Variants in CCSER1 observed in about 807,000 individuals in gnomAD.
CCSER1 encodes the protein serine-rich coiled-coil domain-containing protein 1.
Under a neutral mutation model 82.0 loss-of-function variants are expected in CCSER1, and 41 were observed. That is an observed-to-expected ratio of 0.50 (90% CI 0.39 to 0.65). The LOEUF (loss-of-function observed/expected upper bound fraction) is 0.65. Ranked by LOEUF, CCSER1 falls within the 30% of genes least tolerant of loss-of-function variation. The pLI is 0.00. For missense variants in CCSER1, 1,119 were observed against 1,064.2 expected (o/e 1.05, Z -0.72); for synonymous variants, 414 against 383.9 (o/e 1.08, Z -0.92).
At chr4:91,154,776 C>A (rs944358421) in intron 10 of CCSER1, among the ~76,000 whole-genome samples, 11 of 151,840 alleles carry the variant, frequency 7.2e-5, no homozygotes, top group African/African-American at 2.7e-4. Context: ...AAAATTGGGT[C>A]ATTTAAAAAT....
chr4:90,513,940 T>A (rs903154968), intron 5 of CCSER1, among the ~76,000 whole-genome samples: 2 of 151,912 alleles, frequency 1.3e-5, no homozygotes, highest in Admixed American at 6.6e-5. Context: ...CTGAAGAAAA[T>A]CTATGCTGCC....
At chr4:90,235,313 C>T (rs752117556) in intron 1 of CCSER1, 1 of 152,196 alleles carries the variant, frequency 6.6e-6, no homozygotes, top group African/African-American at 2.4e-5. Context: ...AAGCTTAAGC[C>T]CATGAAGCCT....
chr4:91,441,941 A>G (rs1249310766), intron 10 of CCSER1, among the ~76,000 whole-genome samples: 1 of 152,186 alleles, frequency 6.6e-6, no homozygotes, highest in Non-Finnish European at 1.5e-5. Context: ...TTCAAGGAGA[A>G]CTACAAACCA....
At chr4:91,225,815 G>GA (rs1337354554) in intron 10 of CCSER1, among the ~76,000 whole-genome samples, 2 of 151,834 alleles carry the variant, frequency 1.3e-5, no homozygotes, top group East Asian at 3.9e-4. Flanking sequence ...TGCATACTCA[G>GA]AAAAAACCTT....
At chr4:91,079,157 A>G (rs1044086407) in intron 9 of CCSER1, among the ~76,000 whole-genome samples, 8 of 152,182 alleles carry the variant, frequency 5.3e-5, no homozygotes, top group African/African-American at 1.9e-4. Flanking sequence ...CAAAGGAAAA[A>G]AGGTTAAGGG....
intron 6 of CCSER1, among the ~76,000 whole-genome samples, chr4:90,638,028 C>T (rs951163950): frequency 3.3e-5 from 5 of 152,110 alleles, no homozygotes; most frequent in Non-Finnish European, 7.4e-5. Context: ...ACCCACAAAT[C>T]GCTTCAAGAT....
At chr4:91,225,880 G>A (rs1324932239) in intron 10 of CCSER1, among the ~76,000 whole-genome samples, 1 of 151,930 alleles carries the variant, frequency 6.6e-6, no homozygotes, top group Non-Finnish European at 1.5e-5. Context: ...TAGAATCTGA[G>A]TAACTAAACC....
chr4:91,296,483 A>ATT lies in CCSER1; in HGVS notation c.2217+210490_2217+210491insTT, dbSNP rs1553921462. ...TATATATATGTATATATATATATAT[A>ATT]TATTTTAATTAAATATACAGTTATC... On this transcript the variant is annotated intron_variant, in intron 10 of 10. Transcript: ENST00000509176. Among the ~76,000 whole-genome samples the ATT allele has an allele frequency of 6.1e-4, 76 of 123,994 alleles. 2 individuals carry two copies. The highest frequency in any genetic ancestry group is 2.0e-3 in the African/African-American group (58 of 29,170). 81.3% of individuals were successfully genotyped at this position (123,994 alleles called of 152,430 possible).
intron 10 of CCSER1, among the ~76,000 whole-genome samples, chr4:91,368,731 T>C (rs1749815429): frequency 6.6e-6 from 1 of 152,144 alleles, no homozygotes; most frequent in African/African-American, 2.4e-5. Context: ...AATCAGTCTT[T>C]TATACTGGAA....
At chr4:90,376,360 C>A (rs939104802) in intron 3 of CCSER1, among the ~76,000 whole-genome samples, 2 of 152,216 alleles carry the variant, frequency 1.3e-5, no homozygotes, top group African/African-American at 4.8e-5. Context: ...TGAAGGCATT[C>A]AGTCTCAGCC....
chr4:91,141,017 T>C (rs185548203), intron 10 of CCSER1, among the ~76,000 whole-genome samples: 2 of 152,172 alleles, frequency 1.3e-5, no homozygotes, highest in African/African-American at 4.8e-5. Flanking sequence ...TTTATGGTCA[T>C]GTATGTCCAA....
intron 6 of CCSER1, among the ~76,000 whole-genome samples, chr4:90,668,964 T>A (rs1732297353): frequency 6.6e-6 from 1 of 152,064 alleles, no homozygotes; most frequent in African/African-American, 2.4e-5. Flanking sequence ...GCACAAGGTA[T>A]AATATAATAA....
chr4:90,661,646 G>C (rs969751945), intron 6 of CCSER1, among the ~76,000 whole-genome samples: 1 of 152,172 alleles, frequency 6.6e-6, no homozygotes, highest in Admixed American at 6.5e-5. Flanking sequence ...CCATGGTACA[G>C]ATTAGAGAAA....
intron 10 of CCSER1, among the ~76,000 whole-genome samples, chr4:91,284,716 C>T (rs1743146505): frequency 6.6e-6 from 1 of 152,038 alleles, no homozygotes; most frequent in Non-Finnish European, 1.5e-5. Context: ...GCAAGACACC[C>T]ATGTGACTCT....
In CCSER1 at chr4:90,646,985, T is replaced by C. The variant is rs148171035; in HGVS notation, c.1932+18753T>C. 2.6e-4 allele frequency among the ~76,000 whole-genome samples: 40 copies of C among 152,258 alleles called. No individual in the cohort carries two copies. In the East Asian group the frequency reaches 5.8e-3, roughly 22 times the overall value. On this transcript the variant is annotated intron_variant, in intron 6 of 10. Transcript: ENST00000509176. ...ACCCCAACACACATCCTTTTCATTT[T>C]AAATGATAGCCCAGGATAAATGGTG...
chr4:90,225,989 A>G (rs892271877), intron 1 of CCSER1, among the ~76,000 whole-genome samples: 2 of 152,230 alleles, frequency 1.3e-5, no homozygotes, highest in African/African-American at 4.8e-5. Flanking sequence ...CCTGGCAGCC[A>G]TCACTTTCAC....
At chr4:91,374,868 C>T (rs568940900) in intron 10 of CCSER1, among the ~76,000 whole-genome samples, 29 of 152,222 alleles carry the variant, frequency 1.9e-4, no homozygotes, top group African/African-American at 5.5e-4. Context: ...TGGTGGTGCA[C>T]ACCTGTAGTA....
At chr4:91,163,917 T>C (rs1054325326) in intron 10 of CCSER1, among the ~76,000 whole-genome samples, 9 of 152,214 alleles carry the variant, frequency 5.9e-5, no homozygotes, top group Non-Finnish European at 1.2e-4. Flanking sequence ...TCAGGGCATT[T>C]AGCCCATTTA....
At chr4:90,664,552 A>G (rs906541843) in intron 6 of CCSER1, among the ~76,000 whole-genome samples, 1 of 152,194 alleles carries the variant, frequency 6.6e-6, no homozygotes, top group Admixed American at 6.5e-5. Context: ...ATAATTTCAT[A>G]AATTTAGATA....
Sources: gnomAD v4.1 joint callset for allele counts (sites outside exome capture counted in the v4.1 genomes callset) on GRCh38, gnomAD v4.1.1 for gene constraint, MANE v1.5 for transcripts, NCBI Gene and HGNC (gene_info 2026-07-23, HGNC 2026-07-21) for gene names.